Variants in TDRD3 observed in about 807,000 individuals in gnomAD.
TDRD3 encodes the protein tudor domain-containing protein 3.
TDRD3 carries 45 observed loss-of-function variants against 86.7 expected under a neutral mutation model. That is an observed-to-expected ratio of 0.52 (90% CI 0.41 to 0.67). The LOEUF (loss-of-function observed/expected upper bound fraction) is 0.67. TDRD3 is among the 30% of genes least tolerant of loss of function. TDRD3 has a pLI of 0.00. For missense variants in TDRD3, 814 were observed against 889.0 expected, an observed-to-expected ratio of 0.92 and a Z score of 1.07; for synonymous variants, 298 against 301.7, an observed-to-expected ratio of 0.99 and a Z score of 0.13.
intron 10 of TDRD3, among the ~76,000 whole-genome samples, chr13:60,516,063 A>T (rs1317443616): frequency 6.6e-6 from 1 of 152,220 alleles, no homozygotes; most frequent in Non-Finnish European, 1.5e-5. Flanking sequence ...ACTCAAATTG[A>T]CATTACAAAG....
chr13:60,568,620 C>T (rs550846686), intron 13 of TDRD3, among the ~76,000 whole-genome samples: 15 of 152,186 alleles, frequency 9.9e-5, no homozygotes, highest in Non-Finnish European at 2.1e-4. Context: ...GACAAACCCA[C>T]AGCTAGACTC....
intron 1 of TDRD3, among the ~76,000 whole-genome samples, chr13:60,411,021 A>G (rs1045498568): frequency 1.6e-4 from 24 of 152,176 alleles, no homozygotes; most frequent in African/African-American, 5.8e-4. Flanking sequence ...TTCAGTGACC[A>G]TTTTTGTGCC....
At chr13:60,425,267 A>G (rs904849309) in intron 1 of TDRD3, among the ~76,000 whole-genome samples, 2 of 152,262 alleles carry the variant, frequency 1.3e-5, no homozygotes, top group Non-Finnish European at 2.9e-5. Flanking sequence ...AAGGTGCTCA[A>G]GATCACGAAT....
intron 1 of TDRD3, among the ~76,000 whole-genome samples, chr13:60,415,194 G>A (rs1202063605): frequency 6.6e-6 from 1 of 151,964 alleles, no homozygotes; most frequent in African/African-American, 2.4e-5. Flanking sequence ...AGGGCCTAAT[G>A]AGATCCTGTT....
At chr13:60,395,625 A>G (rs1953881682), upstream of TDRD3, among the ~76,000 whole-genome samples, 1 of 152,214 alleles carries the variant, frequency 6.6e-6, no homozygotes, top group South Asian at 2.1e-4. Flanking sequence ...CCAGTGAGAA[A>G]TTCTGATGAT....
chr13:60,519,068 T>C (rs761174508), intron 10 of TDRD3, among the ~76,000 whole-genome samples: 1 of 152,164 alleles, frequency 6.6e-6, no homozygotes, highest in Non-Finnish European at 1.5e-5. Flanking sequence ...ATAATATTAT[T>C]ACTTTTTTTG....
intron 8 of TDRD3, among the ~76,000 whole-genome samples, chr13:60,499,320 G>A (rs1377524855): frequency 1.3e-5 from 2 of 152,178 alleles, no homozygotes; most frequent in African/African-American, 2.4e-5. Context: ...TACCAGATGT[G>A]GTTTCATTGC....
chr13:60,570,982 G>T (rs1203298627), intron 13 of TDRD3, among the ~76,000 whole-genome samples: 1 of 152,072 alleles, frequency 6.6e-6, no homozygotes, highest in South Asian at 2.1e-4. Flanking sequence ...CACAATTTTG[G>T]TGGTTTTCTA....
intron 7 of TDRD3, among the ~76,000 whole-genome samples, chr13:60,487,625 C>T (rs188861831): frequency 5.9e-4 from 90 of 152,274 alleles, no homozygotes; most frequent in Admixed American, 2.1e-3. Flanking sequence ...CAATCCCTCA[C>T]GGATACCAAA....
At chr13:60,401,438 G>A (rs1004110209) in intron 1 of TDRD3, among the ~76,000 whole-genome samples, 2 of 152,280 alleles carry the variant, frequency 1.3e-5, no homozygotes, top group African/African-American at 4.8e-5. Context: ...AGCATCAGTA[G>A]ACTTTGTTAT....
chr13:60,533,986 A>C (rs1434109123), intron 11 of TDRD3, among the ~76,000 whole-genome samples: 2 of 152,212 alleles, frequency 1.3e-5, no homozygotes, highest in African/African-American at 4.8e-5. Flanking sequence ...CAGATGACCT[A>C]TTCCTAGTTA....
chr13:60,533,801 G>T (rs1957638160), intron 11 of TDRD3, among the ~76,000 whole-genome samples: 1 of 152,172 alleles, frequency 6.6e-6, no homozygotes, highest in Non-Finnish European at 1.5e-5. Context: ...TGAATGGGAT[G>T]ATCTGTACTG....
intron 12 of TDRD3, among the ~76,000 whole-genome samples, chr13:60,562,183 C>A (rs117764906): frequency 0.01 from 1,576 of 151,948 alleles, 8 homozygotes; most frequent in Non-Finnish European, 0.018. Flanking sequence ...TTTGGTGGTG[C>A]GTGCCTGTAA....
intron 12 of TDRD3, among the ~76,000 whole-genome samples, chr13:60,539,654 C>T (rs1313706376): frequency 6.6e-6 from 1 of 151,500 alleles, no homozygotes; most frequent in East Asian, 1.9e-4. Flanking sequence ...TTTGAAGTAA[C>T]TTTGTATACA....
At chr13:60,416,856 G>T (rs1954529909) in intron 1 of TDRD3, among the ~76,000 whole-genome samples, 1 of 151,914 alleles carries the variant, frequency 6.6e-6, no homozygotes, top group Non-Finnish European at 1.5e-5. Context: ...TCCTCATCTT[G>T]TTCTTGTTCT....
intron 10 of TDRD3, among the ~76,000 whole-genome samples, chr13:60,523,234 T>G (rs6562108): frequency 0.47 from 71,028 of 151,926 alleles, 16,978 homozygotes; most frequent in South Asian, 0.55. Flanking sequence ...TACAACTGCT[T>G]CTGGAGAATA....
intron 1 of TDRD3, among the ~76,000 whole-genome samples, chr13:60,432,489 A>G (rs1388133877): frequency 1.3e-5 from 2 of 152,144 alleles, no homozygotes. Context: ...GGAATTGGCA[A>G]GTTAATTCTT....
In TDRD3 at chr13:60,424,311, G is replaced by A. The variant is rs549394379; in HGVS notation, c.42-15377G>A. ...GCTGGAATTACAGGCGTGAGCCACC[G>A]CCCCCAGACAGTGGTTTTTAAAAAA... is the stretch of plus-strand genomic sequence containing the variant. On this transcript the variant is annotated intron_variant, in intron 1 of 13. Transcript: ENST00000377881. Among the ~76,000 whole-genome samples the A allele has an allele frequency of 4.2e-5, 6 of 144,242 alleles. No homozygotes were observed. The South Asian group carries it at 1.3e-3, about 32-fold the overall frequency. 94.6% of individuals were successfully genotyped at this position (144,242 alleles called of 152,430 possible).
At chr13:60,404,255 A>C (rs1954175711) in intron 1 of TDRD3, among the ~76,000 whole-genome samples, 1 of 151,746 alleles carries the variant, frequency 6.6e-6, no homozygotes, top group African/African-American at 2.4e-5. Context: ...AGGCACATTC[A>C]TCAATGCACT....
Sources: gnomAD v4.1 joint callset for allele counts (sites outside exome capture counted in the v4.1 genomes callset) on GRCh38, gnomAD v4.1.1 for gene constraint, MANE v1.5 for transcripts, NCBI Gene and HGNC (gene_info 2026-07-23, HGNC 2026-07-21) for gene names.